Variants in ASCC3 observed in about 807,000 individuals in gnomAD.
ASCC3 encodes the protein activating signal cointegrator 1 complex subunit 3.
ASCC3 carries 158 observed loss-of-function variants against 256.3 expected under a neutral mutation model. The ratio of observed to expected loss-of-function variants is 0.62; its 90% CI spans 0.54 to 0.70. ASCC3 has a LOEUF of 0.70. Ranked by LOEUF, ASCC3 falls within the 30% of genes least tolerant of loss-of-function variation. ASCC3 has a pLI of 0.00. For synonymous variants in ASCC3, 948 were observed against 883.4 expected (o/e 1.07, Z -1.30); for missense variants, 2,259 against 2,626.0 (o/e 0.86, Z 3.05).
At chr6:100,608,146 C>CATATATATGTATATATATG (rs1311691741) in intron 30 of ASCC3, among the ~76,000 whole-genome samples, 9 of 41,082 alleles carry the variant, frequency 2.2e-4, no homozygotes, top group East Asian at 2.9e-3. Context: ...GTATATATAT[C>CATATATATGTATATATATG]TATATATACA....
intron 24 of ASCC3, among the ~76,000 whole-genome samples, chr6:100,639,756 A>G (rs1293634845): frequency 6.6e-6 from 1 of 152,198 alleles, no homozygotes; most frequent in Non-Finnish European, 1.5e-5. Context: ...TTAATTACAT[A>G]GGTAACTGAG....
intron 26 of ASCC3, among the ~76,000 whole-genome samples, chr6:100,630,631 A>G (rs894406318): frequency 3.3e-5 from 5 of 152,016 alleles, no homozygotes; most frequent in African/African-American, 9.7e-5. Flanking sequence ...GTTTCTCTGT[A>G]ATCTTTTGCT....
Position 100,742,817 on chromosome 6 carries a change from C to T in ASCC3, c.1738-17114G>A, listed in dbSNP as rs112820289. ...CATCCTGTTTCAGGTAGACTCAACC[C>T]TGTTGCCATTGGCTGGCTGGAATTC... On this transcript the variant is annotated intron_variant, in intron 10 of 41. Coordinates refer to ENST00000369162, the MANE Select transcript of ASCC3 (RefSeq NM_006828.4). 4.6e-5 allele frequency among the ~76,000 whole-genome samples: 7 copies of T among 152,338 alleles called. 1 individual carries two copies. The highest frequency in any genetic ancestry group is 1.2e-4 in the African/African-American group (5 of 41,590).
chr6:100,770,873 C>A (rs1781887627), intron 8 of ASCC3, among the ~76,000 whole-genome samples: 4 of 145,116 alleles, frequency 2.8e-5, no homozygotes, highest in Admixed American at 6.9e-5. Context: ...AACTCATCTA[C>A]AGATTCAATG....
intron 3 of ASCC3, among the ~76,000 whole-genome samples, chr6:100,860,795 C>T (rs1053913239): frequency 1.3e-5 from 2 of 152,008 alleles, no homozygotes; most frequent in African/African-American, 4.8e-5. Flanking sequence ...AAGCAGTACG[C>T]ACTATTCAGG....
chr6:100,538,839 A>G lies in ASCC3; in HGVS notation c.5775+1324T>C, dbSNP rs967065227. Reference sequence around the variant, plus strand: ...ACCTTTAAAGAACTTAAATCTTTTGAAAATTTTAAAAATGGGTTTTATGAA... The same window carrying G: ...ACCTTTAAAGAACTTAAATCTTTTGGAAATTTTAAAAATGGGTTTTATGAA... On this transcript the variant is annotated intron_variant, in intron 37 of 41. Coordinates refer to ENST00000369162, the MANE Select transcript of ASCC3 (RefSeq NM_006828.4). Among the ~76,000 whole-genome samples, 5 of 152,196 alleles carry G rather than the reference A, an allele frequency of 3.3e-5. No individual in the cohort carries two copies. In the East Asian group the frequency reaches 9.6e-4, roughly 29 times the overall value.
At chr6:100,743,521 C>T (rs1039033) in intron 10 of ASCC3, among the ~76,000 whole-genome samples, 78,542 of 151,788 alleles carry the variant, frequency 0.52, 20,647 homozygotes, top group South Asian at 0.62. Context: ...CTTTTACTCC[C>T]TTATCTCCCA....
At chr6:100,714,961 A>G (rs796556854) in intron 13 of ASCC3, among the ~76,000 whole-genome samples, 3 of 152,166 alleles carry the variant, frequency 2.0e-5, no homozygotes, top group African/African-American at 7.2e-5. Flanking sequence ...ACATGTCATA[A>G]AAGGCTCACA....
At chr6:100,758,441 A>G (rs1562276277) in intron 10 of ASCC3, among the ~76,000 whole-genome samples, 1 of 151,826 alleles carries the variant, frequency 6.6e-6, no homozygotes. Context: ...CCCTGTGTCC[A>G]TGTGTTCTCA....
Position 100,840,569 on chromosome 6 carries a change from T to A in ASCC3, c.801+7579A>T, listed in dbSNP as rs557872480. Among the ~76,000 whole-genome samples, 4 of 151,622 alleles carry A rather than the reference T, an allele frequency of 2.6e-5. No homozygotes were observed. The South Asian group carries it at 8.3e-4, about 32-fold the overall frequency. ...GTAAGAGTCTTTATTGCAATGTTATTTATAACAGTAAAAAACTAGATAAAA... is the reference window on the plus strand; with the variant it reads ...GTAAGAGTCTTTATTGCAATGTTATATATAACAGTAAAAAACTAGATAAAA... On this transcript the variant is annotated intron_variant, in intron 4 of 41. Transcript: ENST00000369162.
intron 25 of ASCC3, among the ~76,000 whole-genome samples, chr6:100,632,028 T>C (rs1374911231): frequency 6.6e-6 from 1 of 151,968 alleles, no homozygotes; most frequent in Non-Finnish European, 1.5e-5. Flanking sequence ...TAAATGTTTC[T>C]ATTTTAGTGT....
chr6:100,549,806 A>G (rs985796882), intron 36 of ASCC3, among the ~76,000 whole-genome samples: 1 of 152,014 alleles, frequency 6.6e-6, no homozygotes, highest in Non-Finnish European at 1.5e-5. Flanking sequence ...TAAGTGAGGA[A>G]TAAGACATTC....
At chr6:100,812,405 A>G (rs142971047) in intron 4 of ASCC3, among the ~76,000 whole-genome samples, 47 of 152,306 alleles carry the variant, frequency 3.1e-4, no homozygotes, top group Non-Finnish European at 5.3e-4. Context: ...ATATGTTCAA[A>G]GAACTAAAGA....
At chr6:100,717,059 GA>G (rs1368431278) in intron 12 of ASCC3, among the ~76,000 whole-genome samples, 3 of 151,802 alleles carry the variant, frequency 2.0e-5, no homozygotes, top group African/African-American at 7.2e-5. Flanking sequence ...AAACAATTAT[GA>G]AGCTTAAAAT....
chr6:100,646,472 G>C, intron 22 of ASCC3, 143 bp downstream of exon 22: 5 of 861,200 alleles, frequency 5.8e-6, no homozygotes, highest in Non-Finnish European at 8.5e-6. Context: ...CACCATGCCC[G>C]GCTAATTGCT....
intron 4 of ASCC3, among the ~76,000 whole-genome samples, chr6:100,818,680 A>T (rs1212366508): frequency 6.6e-6 from 1 of 150,554 alleles, no homozygotes; most frequent in African/African-American, 2.4e-5. Context: ...AAGAAAAAAT[A>T]AGTCTGCGCT....
chr6:100,698,000 A>G (rs1257266793), intron 13 of ASCC3, among the ~76,000 whole-genome samples: 2 of 152,144 alleles, frequency 1.3e-5, no homozygotes, highest in African/African-American at 2.4e-5. Context: ...CAGTTTGTGC[A>G]GTAATTCCAG....
At chr6:100,583,272 T>A (rs750769795) in intron 36 of ASCC3, among the ~76,000 whole-genome samples, 2 of 152,182 alleles carry the variant, frequency 1.3e-5, no homozygotes, top group South Asian at 2.1e-4. Context: ...AATCCTGTTA[T>A]TGCTCTATTC....
chr6:100,563,350 A>G lies in ASCC3; in HGVS notation c.5551-22963T>C, dbSNP rs141718253. Among the ~76,000 whole-genome samples the G allele has an allele frequency of 1.6e-3, 250 of 152,308 alleles. 1 individual carries two copies. The highest frequency in any genetic ancestry group is 2.7e-3 in the Non-Finnish European group (183 of 68,026). ...TATGCTTGGCTTTAATTCTTAATCT[A>G]GCTGAAGTTTATTTTGGCGTATACT... On this transcript the variant is annotated intron_variant, in intron 36 of 41. Coordinates refer to ENST00000369162, the MANE Select transcript of ASCC3 (RefSeq NM_006828.4).
Sources: allele counts gnomAD v4.1 joint callset (sites outside exome capture counted in the v4.1 genomes callset), GRCh38; gene constraint gnomAD v4.1.1; transcripts MANE v1.5; gene names NCBI Gene and HGNC (gene_info 2026-07-23, HGNC 2026-07-21).